MEIKIN: variants seen among roughly 807,000 people sequenced by gnomAD.
MEIKIN encodes meiosis-specific kinetochore protein.
At chr5:131,841,187 C>A (rs779988333) in intron 11 of MEIKIN, among the ~76,000 whole-genome samples, 69 of 152,280 alleles carry the variant, frequency 4.5e-4, no homozygotes, top group Non-Finnish European at 5.4e-4. Flanking sequence ...ACTTTGTTCT[C>A]TGGCTCCTCA....
chr5:131,932,171 CAG>C (rs1751702362), intron 5 of MEIKIN, among the ~76,000 whole-genome samples: 1 of 152,186 alleles, frequency 6.6e-6, no homozygotes. Flanking sequence ...ATTGGGTGAG[CAG>C]ATCCCATAAT....
chr5:131,939,855 A>G (rs1216386758), intron 4 of MEIKIN, among the ~76,000 whole-genome samples: 1 of 152,204 alleles, frequency 6.6e-6, no homozygotes, highest in African/African-American at 2.4e-5. Flanking sequence ...GACATTTCTC[A>G]TATATTTAAA....
intron 11 of MEIKIN, among the ~76,000 whole-genome samples, chr5:131,837,411 G>A (rs577566852): frequency 6.6e-6 from 1 of 152,110 alleles, no homozygotes; most frequent in Admixed American, 6.5e-5. Context: ...TTGGCACTTT[G>A]ACAGGAATAG....
At chr5:131,909,192 C>T (rs1299792608) in intron 8 of MEIKIN, among the ~76,000 whole-genome samples, 1 of 152,170 alleles carries the variant, frequency 6.6e-6, no homozygotes, top group Non-Finnish European at 1.5e-5. Context: ...GTAACCCAAA[C>T]AGCATGGTAC....
Position 131,908,261 on chromosome 5 carries a change from G to A in MEIKIN, c.703+3554C>T, listed in dbSNP as rs151029154. ...ACCAAGTGAGATTTACCCCAGGGAC[G>A]CAAGGATGGTTCAACCTATGCAAAT... On this transcript the variant is annotated intron_variant, in intron 8 of 12. Coordinates refer to ENST00000442687, the MANE Select transcript of MEIKIN (RefSeq NM_001303622.2). Among the ~76,000 whole-genome samples, 897 of 152,186 alleles carry A rather than the reference G, an allele frequency of 5.9e-3. 12 individuals are homozygous for A. Among genetic ancestry groups the A allele is most frequent in the African/African-American group, 0.02 (816 of 41,514 alleles).
In MEIKIN at chr5:131,945,285, T is replaced by C. The variant is rs924508302; in HGVS notation, c.107-36A>G. ...GCGGCACGTTTCAGGGCAAGAAACC[T>C]ACCCACCGGCTTCGGGGGGGTCCTG... On this transcript the variant is annotated intron_variant, in intron 1 of 12. Transcript: ENST00000442687. 5 of 398,962 alleles carry C rather than the reference T, an allele frequency of 1.3e-5. No individual in the cohort carries two copies. The Admixed American group carries it at 1.8e-4, about 14-fold the overall frequency. The allele number at this position is 398,962 out of a possible 1,614,324, so 24.7% of individuals were successfully genotyped here. A position where few individuals can be genotyped will look rare whatever the true frequency, so the allele number is the denominator to read the frequency against.
intron 8 of MEIKIN, among the ~76,000 whole-genome samples, chr5:131,896,454 C>G (rs910166545): frequency 1.3e-5 from 2 of 152,116 alleles, no homozygotes; most frequent in Non-Finnish European, 2.9e-5. Flanking sequence ...AACCTTCTGT[C>G]TCACTGATCT....
intron 9 of MEIKIN, among the ~76,000 whole-genome samples, chr5:131,869,641 A>G (rs771128699): frequency 1.3e-5 from 2 of 152,198 alleles, no homozygotes; most frequent in African/African-American, 4.8e-5. Context: ...TTCTCTTCCC[A>G]CTGCTAGAAG....
chr5:131,861,388 C>CAAAAA (rs950472767), intron 9 of MEIKIN, among the ~76,000 whole-genome samples: 1 of 146,414 alleles, frequency 6.8e-6, no homozygotes. Context: ...ACTCTGTCTT[C>CAAAAA]AAAAAAAAAA....
At chr5:131,863,556 C>CTTTTTTT (rs1750325066) in intron 9 of MEIKIN, among the ~76,000 whole-genome samples, 4 of 42,000 alleles carry the variant, frequency 9.5e-5, no homozygotes, top group African/African-American at 4.9e-4. Flanking sequence ...CCTTCTTTGT[C>CTTTTTTT]CTTTTTTTTT....
At chr5:131,896,737 T>C (rs547727555) in intron 8 of MEIKIN, among the ~76,000 whole-genome samples, 1 of 152,140 alleles carries the variant, frequency 6.6e-6, no homozygotes, top group African/African-American at 2.4e-5. Flanking sequence ...TTGCTTGGTA[T>C]ATCTTCCTCC....
intron 6 of MEIKIN, among the ~76,000 whole-genome samples, chr5:131,918,051 T>C (rs1751444338): frequency 6.6e-6 from 1 of 152,104 alleles, no homozygotes; most frequent in Non-Finnish European, 1.5e-5. Flanking sequence ...ATGAAGCCCA[T>C]GTGTAAGGTC....
chr5:131,923,619 C>T (rs376065763), intron 5 of MEIKIN, among the ~76,000 whole-genome samples: 2 of 150,044 alleles, frequency 1.3e-5, no homozygotes, highest in East Asian at 3.9e-4. Flanking sequence ...TTTTGCACTT[C>T]ATTGTTCTTA....
chr5:131,920,016 T>C (rs1305498620), intron 6 of MEIKIN, among the ~76,000 whole-genome samples: 1 of 152,078 alleles, frequency 6.6e-6, no homozygotes, highest in Non-Finnish European at 1.5e-5. Context: ...GGGGAGAAAA[T>C]GAACTTACAT....
intron 8 of MEIKIN, among the ~76,000 whole-genome samples, chr5:131,893,392 T>C (rs907700883): frequency 1.3e-5 from 2 of 152,224 alleles, no homozygotes; most frequent in Non-Finnish European, 2.9e-5. Context: ...CTCTGAGCCA[T>C]GTGGGGGATA....
intron 9 of MEIKIN, among the ~76,000 whole-genome samples, chr5:131,870,684 A>G (rs192745230): frequency 2.3e-4 from 35 of 152,182 alleles, no homozygotes; most frequent in Non-Finnish European, 4.1e-4. Flanking sequence ...CTTTCTTAAC[A>G]TTTCTTATTC....
chr5:131,933,970 G>A (rs1437023547), intron 4 of MEIKIN, among the ~76,000 whole-genome samples: 4 of 150,982 alleles, frequency 2.6e-5, no homozygotes, highest in South Asian at 2.1e-4. Context: ...TTTTGAGACC[G>A]AGTCTCACTC....
At chr5:131,821,578 A>G (rs187972481) in intron 11 of MEIKIN, among the ~76,000 whole-genome samples, 12 of 147,038 alleles carry the variant, frequency 8.2e-5, no homozygotes, top group Middle Eastern at 3.7e-3. Context: ...GATCTGTCCA[A>G]TGCTGAAAAT....
At chr5:131,945,325 C>A (rs1009445464) in intron 1 of MEIKIN, 75 bp downstream of exon 1, 3 of 398,900 alleles carry the variant, frequency 7.5e-6, no homozygotes, top group Non-Finnish European at 1.3e-5. Flanking sequence ...CGAGGCCTAG[C>A]ACCCCCGCCC....
Sources: gnomAD v4.1 joint callset for allele counts (sites outside exome capture counted in the v4.1 genomes callset) on GRCh38, gnomAD v4.1.1 for gene constraint, MANE v1.5 for transcripts, NCBI Gene and HGNC (gene_info 2026-07-23, HGNC 2026-07-21) for gene names.